CAMK1D: variants seen among roughly 807,000 people sequenced by gnomAD.
CAMK1D encodes the protein calcium/calmodulin-dependent protein kinase type 1D.
In CAMK1D, 9 loss-of-function variants were observed where a neutral mutation model predicts 47.7. The ratio of observed to expected loss-of-function variants is 0.19; its 90% CI spans 0.11 to 0.33. The LOEUF (loss-of-function observed/expected upper bound fraction) is 0.33, where lower values mean the gene tolerates loss of function less well. Ranked by LOEUF, CAMK1D falls within the 10% of genes least tolerant of loss-of-function variation. The pLI, the probability that CAMK1D is intolerant of heterozygous loss-of-function variation, is 1.00. For missense variants in CAMK1D, 291 were observed against 488.7 expected (o/e 0.60, Z 3.81); for synonymous variants, 184 against 184.9 (o/e 0.99, Z 0.04).
intron 1 of CAMK1D, among the ~76,000 whole-genome samples, chr10:12,394,453 C>T (rs1838861903): frequency 6.6e-6 from 1 of 152,176 alleles, no homozygotes; most frequent in Non-Finnish European, 1.5e-5. Context: ...GGTTGGTTCC[C>T]CTGGTAACCA....
intron 1 of CAMK1D, among the ~76,000 whole-genome samples, chr10:12,383,450 G>A (rs1192828186): frequency 6.6e-6 from 1 of 152,144 alleles, no homozygotes; most frequent in African/African-American, 2.4e-5. Context: ...ATGTCAAATT[G>A]ACATGAATGT....
chr10:12,694,649 C>T (rs1426729270), intron 3 of CAMK1D, among the ~76,000 whole-genome samples: 1 of 140,354 alleles, frequency 7.1e-6, no homozygotes, highest in Non-Finnish European at 1.5e-5. Flanking sequence ...TATAATTTTT[C>T]CAGAATTAAA....
At chr10:12,368,396 A>C (rs1837909089) in intron 1 of CAMK1D, among the ~76,000 whole-genome samples, 1 of 151,134 alleles carries the variant, frequency 6.6e-6, no homozygotes, top group Non-Finnish European at 1.5e-5. Context: ...AAACAGCAAG[A>C]CCCTATTAAA....
chr10:12,771,504 A>G (rs1232173396), intron 5 of CAMK1D, among the ~76,000 whole-genome samples: 1 of 152,246 alleles, frequency 6.6e-6, no homozygotes, highest in Non-Finnish European at 1.5e-5. Context: ...CTCAAGTGTC[A>G]TAGCTGTTCA....
intron 2 of CAMK1D, among the ~76,000 whole-genome samples, chr10:12,606,367 C>T (rs1455398311): frequency 6.6e-6 from 1 of 152,204 alleles, no homozygotes; most frequent in Non-Finnish European, 1.5e-5. Context: ...TCCTGACCTG[C>T]CTACTTCCGC....
chr10:12,683,196 C>T (rs1832515422), intron 3 of CAMK1D, among the ~76,000 whole-genome samples: 1 of 151,596 alleles, frequency 6.6e-6, no homozygotes, highest in African/African-American at 2.4e-5. Flanking sequence ...AAGTGTTTCT[C>T]TTGCCTCAGC....
chr10:12,695,066 A>AGATACCTAGGTAGATT (rs58711322), intron 3 of CAMK1D, among the ~76,000 whole-genome samples: 33,698 of 138,502 alleles, frequency 0.24, 3,982 homozygotes, highest in Non-Finnish European at 0.27. Flanking sequence ...ATAGATAGAT[A>AGATACCTAGGTAGATT]CATAGGTAGA....
At chr10:12,356,721 CAAAAAAAAA>C (rs71384311) in intron 1 of CAMK1D, among the ~76,000 whole-genome samples, 1 of 74,974 alleles carries the variant, frequency 1.3e-5, no homozygotes, top group Admixed American at 1.5e-4. Flanking sequence ...GACTCCATTT[CAAAAAAAAA>C]AAAAAAAAAA....
At chr10:12,707,574 C>T (rs751215850) in intron 3 of CAMK1D, among the ~76,000 whole-genome samples, 2 of 152,150 alleles carry the variant, frequency 1.3e-5, no homozygotes, top group Admixed American at 6.5e-5. Flanking sequence ...ATAGAGCAGA[C>T]GCAGAATGAG....
At chr10:12,794,850 G>A (rs949108754) in intron 6 of CAMK1D, among the ~76,000 whole-genome samples, 2 of 152,120 alleles carry the variant, frequency 1.3e-5, no homozygotes, top group East Asian at 1.9e-4. Context: ...CATATAACAC[G>A]ACTGCACTTG....
intron 6 of CAMK1D, among the ~76,000 whole-genome samples, chr10:12,793,474 T>C (rs1356722638): frequency 6.6e-6 from 1 of 152,240 alleles, no homozygotes; most frequent in Non-Finnish European, 1.5e-5. Context: ...AACTAAGCAA[T>C]GATGTCTTAG....
At chr10:12,483,942 C>T (rs532862420) in intron 1 of CAMK1D, among the ~76,000 whole-genome samples, 5 of 152,280 alleles carry the variant, frequency 3.3e-5, no homozygotes, top group Non-Finnish European at 7.3e-5. Context: ...CCACTTCGGC[C>T]TCCCAAAGTG....
intron 1 of CAMK1D, among the ~76,000 whole-genome samples, chr10:12,415,199 A>G (rs944884980): frequency 6.6e-6 from 1 of 151,852 alleles, no homozygotes; most frequent in African/African-American, 2.4e-5. Context: ...TGCATGTGAT[A>G]TTTCTTTTTA....
At chr10:12,821,614 A>T (rs1473172631) in intron 8 of CAMK1D, among the ~76,000 whole-genome samples, 3 of 152,234 alleles carry the variant, frequency 2.0e-5, no homozygotes, top group Non-Finnish European at 4.4e-5. Context: ...TGAGTGGTGG[A>T]TAGTGAGACA....
At chr10:12,541,034 C>A (rs1030807665) in intron 1 of CAMK1D, among the ~76,000 whole-genome samples, 20 of 151,568 alleles carry the variant, frequency 1.3e-4, no homozygotes, top group Admixed American at 3.9e-4. Flanking sequence ...TTAAAAGACA[C>A]ATTTTAATGA....
chr10:12,637,206 A>G (rs1475435190), intron 2 of CAMK1D, among the ~76,000 whole-genome samples: 1 of 152,076 alleles, frequency 6.6e-6, no homozygotes, highest in Admixed American at 6.5e-5. Flanking sequence ...TCCTTGCCTC[A>G]TGTGATCCAC....
At chr10:12,401,094 A>G (rs1353080861) in intron 1 of CAMK1D, among the ~76,000 whole-genome samples, 1 of 82,132 alleles carries the variant, frequency 1.2e-5, no homozygotes, top group Non-Finnish European at 2.1e-5. Context: ...TATTATATAT[A>G]TTATATATAT....
At chr10:12,737,459 A>C (rs1835239008) in intron 3 of CAMK1D, among the ~76,000 whole-genome samples, 1 of 152,164 alleles carries the variant, frequency 6.6e-6, no homozygotes, top group African/African-American at 2.4e-5. Context: ...CTGCCCAGTG[A>C]CACAGGCTGT....
intron 3 of CAMK1D, among the ~76,000 whole-genome samples, chr10:12,748,081 A>C (rs1835767676): frequency 6.6e-6 from 1 of 152,238 alleles, no homozygotes; most frequent in South Asian, 2.1e-4. Context: ...CAGAGGATGC[A>C]GCGAAGGGAT....
Sources: gnomAD v4.1 joint callset for allele counts (sites outside exome capture counted in the v4.1 genomes callset) on GRCh38, gnomAD v4.1.1 for gene constraint, MANE v1.5 for transcripts, NCBI Gene and HGNC (gene_info 2026-07-23, HGNC 2026-07-21) for gene names.